RYR2: variants seen among roughly 807,000 people sequenced by gnomAD.
RYR2 encodes cardiac muscle ryanodine receptor-calcium release channel.
In RYR2, 227 loss-of-function variants were observed where a neutral mutation model predicts 601.1. The observed-to-expected ratio is 0.38, with a 90% confidence interval of 0.34 to 0.42. The LOEUF is 0.42. Among genes scored for constraint, RYR2 ranks in the 10% least tolerant of loss-of-function variants. The pLI, the probability that RYR2 is intolerant of heterozygous loss-of-function variation, is 1.00. For synonymous variants in RYR2, 2,223 were observed against 2,175.1 expected (o/e 1.02, Z -0.61); for missense variants, 4,646 against 6,156.5 (o/e 0.75, Z 8.21).
At chr1:237,311,421 C>A (rs1369053999) in intron 2 of RYR2, among the ~76,000 whole-genome samples, 1 of 151,922 alleles carries the variant, frequency 6.6e-6, no homozygotes, top group Non-Finnish European at 1.5e-5. Flanking sequence ...CATTTAAAAC[C>A]TAAACATTTA....
chr1:237,192,507 G>A (rs1037603106), intron 1 of RYR2, among the ~76,000 whole-genome samples: 1 of 152,148 alleles, frequency 6.6e-6, no homozygotes, highest in African/African-American at 2.4e-5. Flanking sequence ...GAGCCACAGC[G>A]CCTAGCCAAC....
chr1:237,812,447 C>G (rs997819465), intron 100 of RYR2, among the ~76,000 whole-genome samples: 1 of 152,130 alleles, frequency 6.6e-6, no homozygotes, highest in Admixed American at 6.5e-5. Flanking sequence ...TTTGGAAAAC[C>G]TTGTGGATCA....
chr1:237,230,981 T>C (rs950275739), intron 1 of RYR2, among the ~76,000 whole-genome samples: 27 of 150,408 alleles, frequency 1.8e-4, no homozygotes, highest in Non-Finnish European at 7.4e-5. Context: ...ATTTGGAGTA[T>C]GGTCGCTTTT....
intron 39 of RYR2, among the ~76,000 whole-genome samples, chr1:237,624,605 T>C (rs1020567557): frequency 6.6e-6 from 1 of 152,228 alleles, no homozygotes; most frequent in Admixed American, 6.5e-5. Context: ...AAATGTAGAC[T>C]ATATCTTTTG....
chr1:237,480,675 A>G (rs1453015990), intron 17 of RYR2, among the ~76,000 whole-genome samples: 1 of 152,136 alleles, frequency 6.6e-6, no homozygotes, highest in African/African-American at 2.4e-5. Flanking sequence ...CATTATAATT[A>G]CAGTGCTCAT....
At chr1:237,235,415 C>T (rs1685457180) in intron 1 of RYR2, among the ~76,000 whole-genome samples, 1 of 152,190 alleles carries the variant, frequency 6.6e-6, no homozygotes, top group Non-Finnish European at 1.5e-5. Flanking sequence ...CTGATCTTGG[C>T]ATTACCAATC....
chr1:237,405,993 C>A (rs1259827375), intron 10 of RYR2, among the ~76,000 whole-genome samples: 1 of 151,538 alleles, frequency 6.6e-6, no homozygotes, highest in Non-Finnish European at 1.5e-5. Context: ...GATTCTGCAG[C>A]CTTTCTACTC....
intron 1 of RYR2, among the ~76,000 whole-genome samples, chr1:237,127,804 G>A (rs1383381495): frequency 2.0e-5 from 3 of 151,578 alleles, no homozygotes; most frequent in East Asian, 2.0e-4. Flanking sequence ...GGGCAGAGAC[G>A]CTCCTCACTT....
At chr1:237,263,752 TA>T (rs1231602934) in intron 1 of RYR2, among the ~76,000 whole-genome samples, 3 of 152,322 alleles carry the variant, frequency 2.0e-5, no homozygotes, top group Admixed American at 6.5e-5. Flanking sequence ...ATCTATTTAA[TA>T]GATATTTTTT....
At chr1:237,048,283 T>C (rs1360197998) in intron 1 of RYR2, among the ~76,000 whole-genome samples, 1 of 152,170 alleles carries the variant, frequency 6.6e-6, no homozygotes, top group Non-Finnish European at 1.5e-5. Context: ...AATGCATTTG[T>C]CTAGTTCTCT....
At chr1:237,756,613 T>G (rs1692976755) in intron 81 of RYR2, among the ~76,000 whole-genome samples, 2 of 152,180 alleles carry the variant, frequency 1.3e-5, no homozygotes, top group Admixed American at 1.3e-4. Flanking sequence ...CATTCTGTTC[T>G]TTAAGTTTTG....
rs563953436 is a variant in RYR2 at position 237,764,322 on chromosome 1, C to G, written c.11476+3294C>G. 1.9e-3 allele frequency among the ~76,000 whole-genome samples: 290 copies of G among 151,894 alleles called. 1 individual carries two copies. The highest frequency in any genetic ancestry group is 6.8e-3 in the African/African-American group (283 of 41,416). On this transcript the variant is annotated intron_variant, in intron 84 of 104. Coordinates refer to ENST00000366574, the MANE Select transcript of RYR2 (RefSeq NM_001035.3). The stretch of plus-strand genomic sequence containing the variant: ...GCCTCCCACTGTTTAATTTACAGAT[C>G]CCACGAGTGAAGTCACTTCCCTCCC...
intron 98 of RYR2, 25 bp from the exon 99 acceptor site, chr1:237,806,112 C>T: frequency 6.2e-7 from 1 of 1,608,474 alleles, no homozygotes; most frequent in Non-Finnish European, 8.5e-7. Context: ...CTGACATGTT[C>T]TTTCCCCCCG....
chr1:237,315,993 T>C (rs1347910481), intron 2 of RYR2, among the ~76,000 whole-genome samples: 1 of 152,040 alleles, frequency 6.6e-6, no homozygotes, highest in African/African-American at 2.4e-5. Flanking sequence ...AATTTGGTGG[T>C]AATAAGTAGA....
At chr1:237,330,743 T>C in intron 2 of RYR2, 135 bp from the exon 3 acceptor site, 1 of 713,628 alleles carries the variant, frequency 1.4e-6, no homozygotes, top group Non-Finnish European at 2.5e-6. Flanking sequence ...CAGTGTTTCT[T>C]GATGACTGGG....
intron 77 of RYR2, 130 bp from the exon 78 acceptor site, chr1:237,731,916 A>ACC (rs1690716778): frequency 1.0e-5 from 6 of 601,264 alleles, no homozygotes; most frequent in Non-Finnish European, 1.8e-5. Context: ...ACACACACAC[A>ACC]CACCCCACAA....
At chr1:237,209,221 G>A (rs1017058328) in intron 1 of RYR2, among the ~76,000 whole-genome samples, 13 of 150,918 alleles carry the variant, frequency 8.6e-5, no homozygotes, top group African/African-American at 3.2e-4. Flanking sequence ...GCATATAGAA[G>A]TGCTAATGAT....
intron 95 of RYR2, 28 bp from the exon 96 acceptor site, chr1:237,795,261 T>C (rs762451253): frequency 7.1e-6 from 8 of 1,129,840 alleles, no homozygotes; most frequent in Admixed American, 5.4e-5. Context: ...AATAATACTA[T>C]TTACTTCTAT....
chr1:237,420,845 A>G (rs922530686), intron 11 of RYR2, among the ~76,000 whole-genome samples: 8 of 152,258 alleles, frequency 5.3e-5, no homozygotes, highest in Non-Finnish European at 1.2e-4. Flanking sequence ...GAAGTGATTC[A>G]TTATTTACAA....
Sources: allele counts gnomAD v4.1 joint callset (sites outside exome capture counted in the v4.1 genomes callset), GRCh38; gene constraint gnomAD v4.1.1; transcripts MANE v1.5; gene names NCBI Gene and HGNC (gene_info 2026-07-23, HGNC 2026-07-21).